Variants in ARPP21 observed in about 807,000 individuals in gnomAD.
ARPP21 encodes the protein cAMP-regulated phosphoprotein 21.
In ARPP21, 69 loss-of-function variants were observed where a neutral mutation model predicts 113.2. The observed-to-expected ratio is 0.61, with a 90% CI of 0.50 to 0.74. The LOEUF is 0.74. Ranked by LOEUF, ARPP21 falls within the 30% of genes least tolerant of loss-of-function variation. The probability of loss-of-function intolerance (pLI) is 0.00; values close to 1 mark genes in which losing one functional copy is unlikely to be tolerated. For missense variants in ARPP21, 1,070 were observed against 1,037.4 expected, an observed-to-expected ratio of 1.03 and a Z score of -0.43; for synonymous variants, 368 against 375.5, an observed-to-expected ratio of 0.98 and a Z score of 0.23.
chr3:35,717,562 A>G (rs1407936497), intron 13 of ARPP21, among the ~76,000 whole-genome samples: 1 of 152,076 alleles, frequency 6.6e-6, no homozygotes, highest in African/African-American at 2.4e-5. Flanking sequence ...TTCGTCTACA[A>G]TTCGTTAGGG....
At chr3:35,792,273 TG>T in intron 19 of ARPP21, 108 bp from the exon 20 acceptor site, 1 of 850,186 alleles carries the variant, frequency 1.2e-6, no homozygotes, top group Non-Finnish European at 1.9e-6. Context: ...ATTCTGAATG[TG>T]GAGACTGAGA....
intron 19 of ARPP21, among the ~76,000 whole-genome samples, chr3:35,790,028 C>A (rs1024890784): frequency 1.3e-5 from 2 of 152,076 alleles, no homozygotes; most frequent in African/African-American, 4.8e-5. Context: ...GCTTCTCTTT[C>A]CCCCACTTCC....
chr3:35,729,756 A>T (rs1426417329), intron 15 of ARPP21, among the ~76,000 whole-genome samples: 2 of 152,214 alleles, frequency 1.3e-5, no homozygotes, highest in Admixed American at 1.3e-4. Flanking sequence ...TGATGTATAG[A>T]TATAGATATT....
intron 9 of ARPP21, among the ~76,000 whole-genome samples, chr3:35,706,160 C>T (rs955149691): frequency 2.6e-5 from 4 of 152,106 alleles, no homozygotes; most frequent in African/African-American, 7.2e-5. Context: ...CAGAAACAAA[C>T]GTTTTAGCAC....
chr3:35,790,115 A>T (rs987721532), intron 19 of ARPP21, among the ~76,000 whole-genome samples: 3 of 152,068 alleles, frequency 2.0e-5, no homozygotes, highest in Non-Finnish European at 4.4e-5. Context: ...TATTCTGTGA[A>T]GATCCATTGA....
intron 1 of ARPP21, among the ~76,000 whole-genome samples, chr3:35,646,774 CTT>C (rs1700399225): frequency 6.6e-6 from 1 of 152,042 alleles, no homozygotes; most frequent in Non-Finnish European, 1.5e-5. Context: ...TCTTCGATGA[CTT>C]TGTTTATATT....
At chr3:35,698,786 G>T (rs1408157884) in intron 9 of ARPP21, among the ~76,000 whole-genome samples, 1 of 151,570 alleles carries the variant, frequency 6.6e-6, no homozygotes, top group Non-Finnish European at 1.5e-5. Context: ...ATTCTAATTT[G>T]CATTTTATTG....
intron 9 of ARPP21, among the ~76,000 whole-genome samples, chr3:35,699,527 A>G: frequency 6.6e-6 from 1 of 151,774 alleles, no homozygotes; most frequent in Admixed American, 6.6e-5. Flanking sequence ...CATTTATGTA[A>G]CACATTTTAT....
At chr3:35,774,166 C>T (rs147677740) in intron 19 of ARPP21, among the ~76,000 whole-genome samples, 183 of 152,248 alleles carry the variant, frequency 1.2e-3, no homozygotes, top group African/African-American at 3.8e-3. Context: ...CCTATAGTCC[C>T]AGCTACTCGG....
rs79816168 is a variant in ARPP21 at position 35,655,988 on chromosome 3, T to G, written c.-213+15590T>G. ...TAAAACATAAAACTTTTTGCCAGAATGTAGAATTTGCATGATTGAGATTTT... is the reference window on the plus strand; with the variant it reads ...TAAAACATAAAACTTTTTGCCAGAAGGTAGAATTTGCATGATTGAGATTTT... On this transcript the variant is annotated intron_variant, in intron 1 of 20. Transcript: ENST00000684406. 4.7e-3 allele frequency among the ~76,000 whole-genome samples: 711 copies of G among 152,144 alleles called. 4 individuals are homozygous for G. Among genetic ancestry groups the G allele is most frequent in the African/African-American group, 0.015 (637 of 41,534 alleles).
chr3:35,720,985 T>G (rs1347585152), intron 13 of ARPP21, among the ~76,000 whole-genome samples: 2 of 152,250 alleles, frequency 1.3e-5, no homozygotes, highest in Non-Finnish European at 2.9e-5. Flanking sequence ...GGTTCTTTCC[T>G]CTGACCATGA....
intron 19 of ARPP21, among the ~76,000 whole-genome samples, chr3:35,746,507 TA>T (rs1366910067): frequency 2.6e-5 from 4 of 152,324 alleles, no homozygotes; most frequent in Admixed American, 6.5e-5. Context: ...TCTCCATCTT[TA>T]AGTCAAACTA....
intron 15 of ARPP21, among the ~76,000 whole-genome samples, chr3:35,733,982 G>A (rs1463269457): frequency 6.6e-6 from 1 of 152,170 alleles, no homozygotes; most frequent in Non-Finnish European, 1.5e-5. Context: ...TTCTAGTTAT[G>A]ATCAGTTTTT....
At chr3:35,696,162 C>T (rs1487648443) in intron 9 of ARPP21, among the ~76,000 whole-genome samples, 2 of 151,508 alleles carry the variant, frequency 1.3e-5, no homozygotes, top group Non-Finnish European at 3.0e-5. Flanking sequence ...CTGGTATTGA[C>T]TAATGGGATG....
chr3:35,746,402 AG>A (rs1393925769), intron 19 of ARPP21, among the ~76,000 whole-genome samples: 1 of 152,196 alleles, frequency 6.6e-6, no homozygotes, highest in Non-Finnish European at 1.5e-5. Flanking sequence ...CATTTGTGAG[AG>A]CAACTCTATG....
At position 35,743,909 on chromosome 3, in the gene ARPP21, C is replaced by G. The variant is rs1197581584; in HGVS notation, c.2081C>G (p.Pro694Arg). The change falls in exon 19 of 21, where the codon CCG (proline) becomes CGG (arginine). Residue 694 changes from proline (P) to arginine (R), a missense_variant. Coordinates refer to ENST00000684406, the MANE Select transcript of ARPP21 (RefSeq NM_001385562.1). ...STTQQYRPMA[P>R]VQYNAQRSQQ... ...ACGCAACAGTACCGGCCCATGGCCC[C>G]GGTTCAGTACAACGCTCAGAGGAGT... The G allele has an allele frequency of 6.8e-6, 11 of 1,614,064 alleles. No individual in the cohort carries two copies. The highest frequency in any genetic ancestry group is 9.3e-6 in the Non-Finnish European group (11 of 1,179,886).
At chr3:35,763,240 T>C (rs1233714714) in intron 19 of ARPP21, among the ~76,000 whole-genome samples, 1 of 152,140 alleles carries the variant, frequency 6.6e-6, no homozygotes, top group Non-Finnish European at 1.5e-5. Flanking sequence ...TTTTGATTAA[T>C]AGTTCTCTTA....
intron 1 of ARPP21, among the ~76,000 whole-genome samples, chr3:35,673,929 C>G (rs1048873850): frequency 2.0e-5 from 3 of 151,748 alleles, no homozygotes; most frequent in African/African-American, 7.3e-5. Flanking sequence ...TGCCTTTTTT[C>G]TTTGTGTTGA....
At chr3:35,765,504 C>A (rs148310060) in intron 19 of ARPP21, among the ~76,000 whole-genome samples, 245 of 152,228 alleles carry the variant, frequency 1.6e-3, no homozygotes, top group African/African-American at 5.7e-3. Context: ...CTGAAATCAG[C>A]CAGCAAGCTT....
Sources: gnomAD v4.1 joint callset for allele counts (sites outside exome capture counted in the v4.1 genomes callset) on GRCh38, gnomAD v4.1.1 for gene constraint, MANE v1.5 for transcripts, NCBI Gene and HGNC (gene_info 2026-07-23, HGNC 2026-07-21) for gene names.